Variants in ZNF827 observed in about 807,000 individuals in gnomAD.
ZNF827 encodes zinc finger protein 827.
ZNF827 carries 13 observed loss-of-function variants against 102.4 expected under a neutral mutation model. The ratio of observed to expected loss-of-function variants is 0.13; its 90% confidence interval spans 0.08 to 0.20. The LOEUF is 0.20. Among genes scored for constraint, ZNF827 ranks in the 10% least tolerant of loss-of-function variants. The pLI is 1.00. For synonymous variants in ZNF827, 523 were observed against 536.2 expected, an observed-to-expected ratio of 0.98 and a Z score of 0.34; for missense variants, 1,103 against 1,344.4, an observed-to-expected ratio of 0.82 and a Z score of 2.81.
chr4:145,937,929 C>G (rs1754339979), intron 1 of ZNF827, among the ~76,000 whole-genome samples: 3 of 150,784 alleles, frequency 2.0e-5, no homozygotes, highest in Admixed American at 1.3e-4. Context: ...CCTCAGGCGC[C>G]GGAATCCACA....
rs1170905291 is a variant in ZNF827, at chr4:145,763,033, T to C, written c.*17+57A>G. ...CAGAAGAGTGCACACGAGAGAAATA[T>C]AAAGCCCATTCCCAGGTCAGGTGCA... On this transcript the variant is annotated intron_variant, in intron 14 of 14. Transcript: ENST00000508784. The surrounding 1 kb of genome is among the most constrained non-coding windows in gnomAD (Gnocchi z 4.6). 2 of 1,473,454 alleles carry C rather than the reference T, an allele frequency of 1.4e-6. No homozygotes were observed. The highest frequency in any genetic ancestry group is 2.1e-5 in the Admixed American group (1 of 48,396). 91.3% of individuals were successfully genotyped at this position (1,473,454 alleles called of 1,614,324 possible). A position where few individuals can be genotyped will look rare whatever the true frequency, so the allele number is the denominator to read the frequency against.
chr4:145,802,478 C>T (rs1022936232), intron 8 of ZNF827, among the ~76,000 whole-genome samples: 1 of 152,200 alleles, frequency 6.6e-6, no homozygotes, highest in Admixed American at 6.5e-5. Context: ...TCAGTCAAAA[C>T]CAAAGCAGCT....
At chr4:145,878,554 A>G (rs1192793663) in intron 4 of ZNF827, among the ~76,000 whole-genome samples, 3 of 144,396 alleles carry the variant, frequency 2.1e-5, no homozygotes, top group South Asian at 2.3e-4. Flanking sequence ...AAGAAAAAAA[A>G]GACAAGACAG....
At chr4:145,814,908 T>C (rs1742438523) in intron 8 of ZNF827, among the ~76,000 whole-genome samples, 1 of 151,862 alleles carries the variant, frequency 6.6e-6, no homozygotes, top group South Asian at 2.1e-4. Flanking sequence ...GCCACTGCAC[T>C]CCAGCCTGGG....
intron 8 of ZNF827, among the ~76,000 whole-genome samples, 169 bp from the exon 9 acceptor site, chr4:145,779,680 C>T (rs1190568811): frequency 1.3e-5 from 2 of 152,196 alleles, no homozygotes; most frequent in Non-Finnish European, 2.9e-5. Context: ...CTAAGAAGGC[C>T]GTTCTTGAAA....
intron 8 of ZNF827, among the ~76,000 whole-genome samples, chr4:145,785,846 T>C (rs1738779803): frequency 6.6e-6 from 1 of 152,142 alleles, no homozygotes. Context: ...TGGCTCTGAG[T>C]TTAATACTCT....
Position 145,902,109 on chromosome 4 carries a change from C to T in ZNF827, c.1093+57G>A. On this transcript the variant is annotated intron_variant, in intron 2 of 14. Coordinates refer to ENST00000508784, the MANE Select transcript of ZNF827 (RefSeq NM_001306215.2). This position sits in a 1 kb window ranked among gnomAD's most constrained non-coding sequence, Gnocchi z 4.3. ...CAACTGAAAAAAGCAATGAATAAGACATCGCAGTTTATAGTCTAAAGGACT... is the reference window on the plus strand; with the variant it reads ...CAACTGAAAAAAGCAATGAATAAGATATCGCAGTTTATAGTCTAAAGGACT... 1 of 1,520,094 alleles carries T rather than the reference C, an allele frequency of 6.6e-7. No individual in the cohort carries two copies. The highest frequency in any genetic ancestry group is 1.3e-5 in the South Asian group (1 of 74,664). The allele number at this position is 1,520,094 out of a possible 1,614,324, so 94.2% of individuals were successfully genotyped here.
chr4:145,835,583 T>C (rs139076136), intron 7 of ZNF827, among the ~76,000 whole-genome samples: 3,404 of 129,324 alleles, frequency 0.026, no homozygotes, highest in Non-Finnish European at 0.041. Flanking sequence ...GCCGCCCTTC[T>C]TCCCAATCCA....
intron 1 of ZNF827, among the ~76,000 whole-genome samples, chr4:145,915,607 G>T (rs1006307105): frequency 6.6e-6 from 1 of 152,096 alleles, no homozygotes. Context: ...AATTCTGGGG[G>T]ACACACTCAA....
At chr4:145,843,785 G>A (rs1053601189) in intron 7 of ZNF827, among the ~76,000 whole-genome samples, 1 of 152,184 alleles carries the variant, frequency 6.6e-6, no homozygotes, top group Non-Finnish European at 1.5e-5. Context: ...TAACATGGGA[G>A]GTTATACATC....
chr4:145,896,064 A>G (rs1177677245), intron 2 of ZNF827, among the ~76,000 whole-genome samples: 1 of 152,210 alleles, frequency 6.6e-6, no homozygotes, highest in Non-Finnish European at 1.5e-5. Context: ...TATTCTCTTC[A>G]TAGGCAATAA....
rs1215636206 is a variant in ZNF827, at chr4:145,892,193, G to T, written c.1266+50C>A. On this transcript the variant is annotated intron_variant, in intron 3 of 14. Coordinates refer to ENST00000508784, the MANE Select transcript of ZNF827 (RefSeq NM_001306215.2). ...CTCCTGCACCAGACCATGTACAGAAGCCCTGGCTGTGCCTGCCTCTCCAGG... is the reference window on the plus strand; with the variant it reads ...CTCCTGCACCAGACCATGTACAGAATCCCTGGCTGTGCCTGCCTCTCCAGG... 8 of 1,556,010 alleles carry T rather than the reference G, an allele frequency of 5.1e-6. No homozygotes were observed. The Admixed American group carries it at 1.3e-4, about 24-fold the overall frequency.
chr4:145,909,930 G>C (rs989130568), intron 1 of ZNF827, among the ~76,000 whole-genome samples: 4 of 152,184 alleles, frequency 2.6e-5, no homozygotes, highest in Admixed American at 2.0e-4. Context: ...ACAGGACAGA[G>C]ACTCGGAGAT....
At chr4:145,874,342 A>G (rs1460097368) in intron 4 of ZNF827, among the ~76,000 whole-genome samples, 2 of 152,256 alleles carry the variant, frequency 1.3e-5, no homozygotes, top group Admixed American at 1.3e-4. Flanking sequence ...AAATGTAAAT[A>G]TAGCTAATGA....
chr4:145,925,660 A>G (rs1190503966), intron 1 of ZNF827, among the ~76,000 whole-genome samples: 2 of 152,098 alleles, frequency 1.3e-5, no homozygotes, highest in Non-Finnish European at 2.9e-5. Context: ...GTCGCCACAC[A>G]CCTCTACTCC....
In ZNF827 at chr4:145,837,559, CTT is replaced by C. The variant is rs1041629789; in HGVS notation, c.2279+8395_2279+8396del. ...CTCAACTACTCATACATGCCCTGCT[CTT>C]GTTTACACTGCCGGTTTACACTGTT... On this transcript the variant is annotated intron_variant, in intron 7 of 14. Coordinates refer to ENST00000508784, the MANE Select transcript of ZNF827 (RefSeq NM_001306215.2). 1.5e-4 allele frequency among the ~76,000 whole-genome samples: 23 copies of C among 152,326 alleles called. No homozygotes were observed. The East Asian group carries it at 3.9e-3, about 26-fold the overall frequency.
intron 8 of ZNF827, among the ~76,000 whole-genome samples, chr4:145,818,970 A>G (rs898228011): frequency 1.3e-5 from 2 of 152,196 alleles, no homozygotes; most frequent in Non-Finnish European, 2.9e-5. Flanking sequence ...ATTGAACATC[A>G]AATTCTGACT....
intron 11 of ZNF827, among the ~76,000 whole-genome samples, chr4:145,769,844 A>T (rs941569170): frequency 6.6e-6 from 1 of 152,234 alleles, no homozygotes; most frequent in Non-Finnish European, 1.5e-5. Context: ...AATATTGCAC[A>T]ATTTTAAACA....
chr4:145,934,077 TG>T (rs1310700606), intron 1 of ZNF827, among the ~76,000 whole-genome samples: 6 of 152,304 alleles, frequency 3.9e-5, no homozygotes, highest in African/African-American at 1.4e-4. Flanking sequence ...AAAGAACTTT[TG>T]TAAAAGAGCC....
Sources: gnomAD v4.1 joint callset for allele counts (sites outside exome capture counted in the v4.1 genomes callset) on GRCh38, gnomAD v4.1.1 for gene constraint, Gnocchi (gnomAD v3.1) non-coding constraint, MANE v1.5 for transcripts, NCBI Gene and HGNC (gene_info 2026-07-23, HGNC 2026-07-21) for gene names.